CLDN18: variants seen among roughly 807,000 people sequenced by gnomAD.
The protein encoded by CLDN18 is claudin-18.
Under a neutral mutation model 25.0 loss-of-function variants are expected in CLDN18, and 20 were observed. The ratio of observed to expected loss-of-function variants is 0.80; its 90% CI spans 0.56 to 1.16. The LOEUF is 1.16. Ranked by LOEUF, CLDN18 falls within the 50% of genes most tolerant of loss-of-function variation. The pLI is 0.00. For missense variants in CLDN18, 297 were observed against 345.4 expected (o/e 0.86, Z 1.11); for synonymous variants, 125 against 135.6 (o/e 0.92, Z 0.54).
chr3:138,009,239 C>T (rs1559804013), upstream of CLDN18, among the ~76,000 whole-genome samples: 2 of 152,214 alleles, frequency 1.3e-5, no homozygotes, highest in East Asian at 1.9e-4. Context: ...CTGCCCAGCA[C>T]ACGACAAGTT....
upstream of CLDN18, among the ~76,000 whole-genome samples, chr3:138,008,904 A>C (rs1386879140): frequency 6.6e-6 from 1 of 152,168 alleles, no homozygotes; most frequent in Non-Finnish European, 1.5e-5. Context: ...CAGTCTGGGC[A>C]ACAGAGCAAG....
intron 3 of CLDN18, among the ~76,000 whole-genome samples, chr3:138,027,046 G>A (rs1023595228): frequency 9.9e-5 from 15 of 152,274 alleles, no homozygotes; most frequent in African/African-American, 3.4e-4. Context: ...CCACAGAAAC[G>A]GTTAAAGGGT....
At chr3:138,015,638 C>T (rs1942193641) in intron 1 of CLDN18, among the ~76,000 whole-genome samples, 1 of 152,116 alleles carries the variant, frequency 6.6e-6, no homozygotes, top group African/African-American at 2.4e-5. Flanking sequence ...GAGGCTGAGA[C>T]AGAAGGATCA....
chr3:138,021,843 A>G (rs139252897), intron 1 of CLDN18, among the ~76,000 whole-genome samples: 9 of 152,332 alleles, frequency 5.9e-5, no homozygotes, highest in Admixed American at 2.0e-4. Context: ...TCCAAAAACA[A>G]TAAGACTTTA....
At chr3:138,012,589 C>A (rs1942147273) in intron 1 of CLDN18, among the ~76,000 whole-genome samples, 1 of 152,136 alleles carries the variant, frequency 6.6e-6, no homozygotes, top group South Asian at 2.1e-4. Context: ...ACAAATCTTC[C>A]TCCAAACCTC....
intron 1 of CLDN18, among the ~76,000 whole-genome samples, chr3:138,011,690 T>G (rs1031630744): frequency 6.6e-6 from 1 of 152,116 alleles, no homozygotes; most frequent in African/African-American, 2.4e-5. Flanking sequence ...AGAAAAAATA[T>G]TGTCCTCATA....
At chr3:138,010,119 G>A, upstream of CLDN18, 1 of 1,470,276 alleles carries the variant, frequency 6.8e-7, no homozygotes, top group Non-Finnish European at 9.0e-7. Flanking sequence ...AGAGCCTAGG[G>A]AAACCATCTG....
chr3:138,023,618 G>T, intron 1 of CLDN18, 40 bp from the exon 2 acceptor site: 24 of 1,602,186 alleles, frequency 1.5e-5, no homozygotes, highest in Non-Finnish European at 2.0e-5. Context: ...TGCTGAGTTG[G>T]TCTTATTTGT....
chr3:138,030,830 T>C, intron 4 of CLDN18, 140 bp from the exon 5 acceptor site: 1 of 713,580 alleles, frequency 1.4e-6, no homozygotes, highest in Non-Finnish European at 2.3e-6. Context: ...GGTTACTAAC[T>C]ATCCTGGTTT....
intron 1 of CLDN18, among the ~76,000 whole-genome samples, chr3:138,023,312 A>G (rs1942290455): frequency 3.3e-5 from 5 of 152,144 alleles, no homozygotes; most frequent in Admixed American, 3.3e-4. Flanking sequence ...TAGGCAAACT[A>G]TTTTCCCCTT....
upstream of CLDN18, among the ~76,000 whole-genome samples, chr3:138,005,939 C>T (rs1241729461): frequency 6.6e-6 from 1 of 152,066 alleles, no homozygotes; most frequent in Non-Finnish European, 1.5e-5. Flanking sequence ...AATAGCACTT[C>T]TATATAATGA....
In CLDN18 at chr3:138,029,875, C is replaced by T. The variant is rs762834684; in HGVS notation, c.582C>T (p.Ile194=). 4.4e-6 allele frequency: 7 copies of T among 1,597,300 alleles called. No individual in the cohort carries two copies. The highest frequency in any genetic ancestry group is 3.4e-5 in the South Asian group (3 of 87,536). Residue 194 remains isoleucine (I), a synonymous_variant, in exon 4 of 5, where the codon ATC becomes ATT. Coordinates refer to ENST00000183605, the MANE Select transcript of CLDN18 (RefSeq NM_016369.4). ...LTLIGGVMMC[I]ACRGLAPEET... Reference sequence around the variant, plus strand: ...TAATTGGGGGTGTGATGATGTGCATCGCCTGCCGGGGCCTGGCACCAGAAG... The same window carrying T: ...TAATTGGGGGTGTGATGATGTGCATTGCCTGCCGGGGCCTGGCACCAGAAG...
chr3:138,016,440 A>G (rs1302987251), intron 1 of CLDN18, among the ~76,000 whole-genome samples: 1 of 152,186 alleles, frequency 6.6e-6, no homozygotes, highest in Non-Finnish European at 1.5e-5. Context: ...AGTTTAAAGC[A>G]TGGATGACCT....
At chr3:138,012,554 C>A (rs528562039) in intron 1 of CLDN18, among the ~76,000 whole-genome samples, 1 of 152,118 alleles carries the variant, frequency 6.6e-6, no homozygotes, top group Admixed American at 6.5e-5. Context: ...TGAATTCCCC[C>A]CTCCACCACC....
upstream of CLDN18, among the ~76,000 whole-genome samples, chr3:138,006,678 C>T (rs1258805375): frequency 6.6e-6 from 1 of 152,176 alleles, no homozygotes; most frequent in East Asian, 1.9e-4. Context: ...AAATAGTAGT[C>T]TGCTCAGAGC....
Position 138,029,788 on chromosome 3 carries a change from C to T in CLDN18, c.504-9C>T. ...CAACCATATTGACAGCCACCATCTCCCTACCCAGGTACACATTTGGTGCGG... is the reference window on the plus strand; with the variant it reads ...CAACCATATTGACAGCCACCATCTCTCTACCCAGGTACACATTTGGTGCGG... On this transcript the variant is annotated splice_polypyrimidine_tract_variant and intron_variant, in intron 3 of 4. Coordinates refer to ENST00000183605, the MANE Select transcript of CLDN18 (RefSeq NM_016369.4). The T allele has an allele frequency of 6.6e-7, 1 of 1,523,610 alleles. No individual in the cohort carries two copies. Among genetic ancestry groups the T allele is most frequent in the East Asian group, 2.3e-5 (1 of 42,556 alleles). The allele number at this position is 1,523,610 out of a possible 1,614,324, so 94.4% of individuals were successfully genotyped here. A position where few individuals can be genotyped will look rare whatever the true frequency, so the allele number is the denominator to read the frequency against.
intron 1 of CLDN18, among the ~76,000 whole-genome samples, chr3:138,001,425 T>C (rs1402513779): frequency 6.6e-6 from 1 of 150,534 alleles, no homozygotes; most frequent in Non-Finnish European, 1.5e-5. Context: ...GGTTTCACTG[T>C]GTTAGCCAGG....
chr3:138,000,770 C>T (rs1009930030), intron 1 of CLDN18, among the ~76,000 whole-genome samples: 2 of 152,198 alleles, frequency 1.3e-5, no homozygotes, highest in South Asian at 2.1e-4. Context: ...ACCTCTTCCA[C>T]GTTCCCATGT....
chr3:138,014,502 G>A (rs71312564), intron 1 of CLDN18, among the ~76,000 whole-genome samples: 18 of 152,052 alleles, frequency 1.2e-4, no homozygotes, highest in Non-Finnish European at 2.2e-4. Context: ...GGGGGAAGTC[G>A]GTGCTGCTCT....
Sources: allele counts gnomAD v4.1 joint callset (sites outside exome capture counted in the v4.1 genomes callset), GRCh38; gene constraint gnomAD v4.1.1; transcripts MANE v1.5; gene names NCBI Gene and HGNC (gene_info 2026-07-23, HGNC 2026-07-21).